The following SGCG variants were observed in gnomAD, a reference collection of about 807,000 sequenced individuals.
SGCG encodes the protein sarcoglycan gamma.
In SGCG, 26 loss-of-function variants were observed where a neutral mutation model predicts 29.3. That is an observed-to-expected ratio of 0.89 (90% CI 0.65 to 1.23). The LOEUF is 1.23. Among genes scored for constraint, SGCG ranks in the 50% most tolerant of loss-of-function variants. SGCG has a pLI of 0.00. For synonymous variants in SGCG, 145 were observed against 129.7 expected (o/e 1.12, Z -0.80); for missense variants, 353 against 356.0 (o/e 0.99, Z 0.07).
chr13:23,191,965 G>A (rs1341335734), intron 1 of SGCG, among the ~76,000 whole-genome samples: 1 of 152,080 alleles, frequency 6.6e-6, no homozygotes, highest in Non-Finnish European at 1.5e-5. Context: ...CACGAGGTCA[G>A]GAGATCGAGA....
chr13:23,237,186 TGAGG>T (rs1386189942), intron 3 of SGCG, among the ~76,000 whole-genome samples: 2 of 152,202 alleles, frequency 1.3e-5, no homozygotes, highest in Non-Finnish European at 2.9e-5. Context: ...AAGTAATACA[TGAGG>T]GCCTGTATTG....
chr13:23,291,143 A>G (rs1437723419), intron 5 of SGCG, among the ~76,000 whole-genome samples: 2 of 152,232 alleles, frequency 1.3e-5, no homozygotes, highest in Non-Finnish European at 2.9e-5. Context: ...TCTCAATGAC[A>G]TATTCTAAAA....
intron 3 of SGCG, chr13:23,243,832 G>A (rs1357125866): frequency 6.6e-6 from 1 of 152,014 alleles, no homozygotes; most frequent in Non-Finnish European, 1.5e-5. Context: ...TAAAATGAAA[G>A]GATCAATGCT....
At chr13:23,180,302 A>C (rs1447566386), upstream of SGCG, among the ~76,000 whole-genome samples, 1 of 151,910 alleles carries the variant, frequency 6.6e-6, no homozygotes, top group African/African-American at 2.4e-5. Context: ...CATAAAGACA[A>C]TTTAAGGTCA....
At chr13:23,299,452 A>T (rs867322077) in intron 6 of SGCG, among the ~76,000 whole-genome samples, 34,326 of 43,340 alleles carry the variant, frequency 0.79, 12,900 homozygotes, top group East Asian at 0.93. Flanking sequence ...ATATATATAT[A>T]TATATTTTTT....
intron 3 of SGCG, chr13:23,244,566 A>G (rs929883486): frequency 1.3e-5 from 2 of 152,200 alleles, no homozygotes; most frequent in African/African-American, 2.4e-5. Flanking sequence ...TTAGATCTTT[A>G]CCTTGTGAAC....
chr13:23,229,153 G>A (rs1290308568), intron 2 of SGCG, among the ~76,000 whole-genome samples: 1 of 152,130 alleles, frequency 6.6e-6, no homozygotes, highest in Non-Finnish European at 1.5e-5. Context: ...TACAGGAACT[G>A]TAATCCCAGT....
chr13:23,294,291 CT>C (rs1881825232), intron 5 of SGCG, among the ~76,000 whole-genome samples: 1 of 152,140 alleles, frequency 6.6e-6, no homozygotes, highest in African/African-American at 2.4e-5. Flanking sequence ...CTGCTTATAT[CT>C]GTGAATATGC....
intron 2 of SGCG, among the ~76,000 whole-genome samples, chr13:23,223,573 C>T (rs1319126639): frequency 2.0e-5 from 3 of 152,118 alleles, no homozygotes; most frequent in Non-Finnish European, 4.4e-5. Flanking sequence ...AAAATAGTCA[C>T]GTTTCAGATA....
At chr13:23,225,788 C>T (rs1878871827) in intron 2 of SGCG, among the ~76,000 whole-genome samples, 1 of 151,668 alleles carries the variant, frequency 6.6e-6, no homozygotes, top group South Asian at 2.1e-4. Context: ...CATACACACA[C>T]ACACACACAC....
chr13:23,209,416 T>C (rs1220118055), intron 2 of SGCG, among the ~76,000 whole-genome samples: 4 of 152,226 alleles, frequency 2.6e-5, no homozygotes, highest in Admixed American at 2.6e-4. Flanking sequence ...CTTAGATAAA[T>C]GTTTTGTCAT....
chr13:23,207,523 A>G (rs1209576257), intron 2 of SGCG, among the ~76,000 whole-genome samples: 1 of 152,234 alleles, frequency 6.6e-6, no homozygotes, highest in Non-Finnish European at 1.5e-5. Flanking sequence ...CAGAGTGAAA[A>G]GGCAACCCAT....
intron 4 of SGCG, among the ~76,000 whole-genome samples, chr13:23,266,827 G>A (rs1880660176): frequency 6.6e-6 from 1 of 152,016 alleles, no homozygotes; most frequent in Non-Finnish European, 1.5e-5. Flanking sequence ...TCCTGAGGCC[G>A]TCACCAGAAG....
intron 5 of SGCG, among the ~76,000 whole-genome samples, chr13:23,280,087 G>A (rs1419594849): frequency 1.5e-4 from 23 of 151,982 alleles, no homozygotes; most frequent in Non-Finnish European, 3.2e-4. Context: ...ACTATTATCT[G>A]TGCAGTTCAA....
chr13:23,293,354 G>T (rs540715795), intron 5 of SGCG, among the ~76,000 whole-genome samples: 3 of 152,018 alleles, frequency 2.0e-5, no homozygotes, highest in African/African-American at 7.2e-5. Context: ...ATTTCACTTT[G>T]TTCTGATTTA....
At chr13:23,214,604 T>C (rs1593176928) in intron 2 of SGCG, among the ~76,000 whole-genome samples, 1 of 152,206 alleles carries the variant, frequency 6.6e-6, no homozygotes, top group African/African-American at 2.4e-5. Flanking sequence ...ATGTGTCTGG[T>C]GCCCAGACCA....
chr13:23,223,385 A>G (rs5026266), intron 2 of SGCG, among the ~76,000 whole-genome samples: 149,759 of 151,878 alleles, frequency 0.99, 73,859 homozygotes, highest in East Asian at 1. Flanking sequence ...AATAATGACT[A>G]ATAAATTAGG....
intron 2 of SGCG, among the ~76,000 whole-genome samples, chr13:23,223,007 A>G (rs965431165): frequency 9.2e-5 from 14 of 152,212 alleles, no homozygotes; most frequent in South Asian, 4.2e-4. Context: ...GGCTGGGCAC[A>G]GTGGCTCACG....
intron 5 of SGCG, among the ~76,000 whole-genome samples, chr13:23,294,291 C>T (rs1360862013): frequency 6.6e-6 from 1 of 152,140 alleles, no homozygotes; most frequent in Non-Finnish European, 1.5e-5. Flanking sequence ...CTGCTTATAT[C>T]TGTGAATATG....
Sources: gnomAD v4.1 joint callset for allele counts (sites outside exome capture counted in the v4.1 genomes callset) on GRCh38, gnomAD v4.1.1 for gene constraint, MANE v1.5 for transcripts, NCBI Gene and HGNC (gene_info 2026-07-23, HGNC 2026-07-21) for gene names.